Variants in EFNA5 observed in about 807,000 individuals in gnomAD.
The protein encoded by EFNA5 is ephrin A5.
In EFNA5, 5 loss-of-function variants were observed where a neutral mutation model predicts 22.9. The ratio of observed to expected loss-of-function variants is 0.22; its 90% CI spans 0.11 to 0.46. The LOEUF is 0.46. Ranked by LOEUF, EFNA5 falls within the 20% of genes least tolerant of loss-of-function variation. EFNA5 has a pLI of 0.99. For synonymous variants in EFNA5, 113 were observed against 112.2 expected, an observed-to-expected ratio of 1.01 and a Z score of -0.04; for missense variants, 237 against 293.3, an observed-to-expected ratio of 0.81 and a Z score of 1.40.
chr5:107,430,770 C>CTT (rs1748929490), intron 1 of EFNA5, among the ~76,000 whole-genome samples: 2 of 104,822 alleles, frequency 1.9e-5, no homozygotes, highest in African/African-American at 6.8e-5. Flanking sequence ...TTATTTCTTT[C>CTT]TTTCTTTTTT....
chr5:107,444,600 T>C (rs1355209103), intron 1 of EFNA5, among the ~76,000 whole-genome samples: 2 of 152,216 alleles, frequency 1.3e-5, no homozygotes, highest in Non-Finnish European at 2.9e-5. Flanking sequence ...GGCTGAACAT[T>C]TGAAAAGAAT....
At chr5:107,523,093 T>C (rs1747628388) in intron 1 of EFNA5, among the ~76,000 whole-genome samples, 1 of 152,176 alleles carries the variant, frequency 6.6e-6, no homozygotes, top group Non-Finnish European at 1.5e-5. Context: ...TGTTTTTTCG[T>C]TTGTTTGTTT....
intron 1 of EFNA5, among the ~76,000 whole-genome samples, chr5:107,569,264 TC>T (rs950050081): frequency 6.6e-6 from 1 of 151,144 alleles, no homozygotes; most frequent in African/African-American, 2.4e-5. Flanking sequence ...AAGTAGCATC[TC>T]CAAACACTCA....
At chr5:107,454,234 AGTT>A (rs987596204) in intron 1 of EFNA5, among the ~76,000 whole-genome samples, 1 of 152,212 alleles carries the variant, frequency 6.6e-6, no homozygotes, top group Non-Finnish European at 1.5e-5. Context: ...ATTTTTGAGT[AGTT>A]ACTTTAAAAT....
At chr5:107,435,244 C>T (rs1749077473) in intron 1 of EFNA5, among the ~76,000 whole-genome samples, 1 of 150,542 alleles carries the variant, frequency 6.6e-6, no homozygotes, top group African/African-American at 2.5e-5. Context: ...CTGCTTCTTG[C>T]ATCCTTCTGT....
At chr5:107,383,674 A>T (rs999773586) in intron 4 of EFNA5, among the ~76,000 whole-genome samples, 2 of 152,168 alleles carry the variant, frequency 1.3e-5, no homozygotes, top group African/African-American at 4.8e-5. Context: ...TTGCAAGTGT[A>T]CTGTTAAAGG....
At chr5:107,530,172 T>A (rs1205713616) in intron 1 of EFNA5, among the ~76,000 whole-genome samples, 1 of 152,204 alleles carries the variant, frequency 6.6e-6, no homozygotes, top group African/African-American at 2.4e-5. Flanking sequence ...ACACTGTACA[T>A]CCACTGTAAG....
intron 2 of EFNA5, among the ~76,000 whole-genome samples, chr5:107,396,549 G>C (rs147729980): frequency 1.3e-5 from 2 of 152,314 alleles, no homozygotes; most frequent in East Asian, 3.9e-4. Context: ...TGAGTTCTGA[G>C]TGCAAATATG....
intron 1 of EFNA5, among the ~76,000 whole-genome samples, chr5:107,644,488 A>C (rs1027118449): frequency 4.6e-5 from 7 of 152,236 alleles, no homozygotes; most frequent in African/African-American, 1.7e-4. Context: ...GCATCCAAAG[A>C]AATCTCATAT....
At chr5:107,444,457 T>A (rs960816164) in intron 1 of EFNA5, among the ~76,000 whole-genome samples, 5 of 152,214 alleles carry the variant, frequency 3.3e-5, no homozygotes, top group Non-Finnish European at 5.9e-5. Flanking sequence ...AAAGTTTGCA[T>A]AAGCAAGACA....
chr5:107,582,521 T>A (rs533609956), intron 1 of EFNA5, among the ~76,000 whole-genome samples: 1 of 152,244 alleles, frequency 6.6e-6, no homozygotes, highest in African/African-American at 2.4e-5. Flanking sequence ...ACAAGAAATG[T>A]GGTATTGCTC....
intron 1 of EFNA5, among the ~76,000 whole-genome samples, chr5:107,663,600 C>A (rs1751010814): frequency 6.6e-6 from 1 of 152,026 alleles, no homozygotes; most frequent in South Asian, 2.1e-4. Flanking sequence ...TCCTAAGAAT[C>A]CAATCATAAA....
At chr5:107,638,075 G>C (rs551040986) in intron 1 of EFNA5, among the ~76,000 whole-genome samples, 94 of 151,516 alleles carry the variant, frequency 6.2e-4, no homozygotes, top group African/African-American at 2.2e-3. Context: ...GGATGGTCTC[G>C]ATCTCCTGAC....
At chr5:107,411,155 T>C (rs1317212708) in intron 2 of EFNA5, among the ~76,000 whole-genome samples, 2 of 152,174 alleles carry the variant, frequency 1.3e-5, no homozygotes, top group Admixed American at 1.3e-4. Flanking sequence ...AAGTGGTAAA[T>C]TGACCTCTGC....
chr5:107,648,234 T>C (rs1750664642), intron 1 of EFNA5, among the ~76,000 whole-genome samples: 1 of 152,114 alleles, frequency 6.6e-6, no homozygotes, highest in Admixed American at 6.6e-5. Context: ...ACTATGACAT[T>C]ATTTATATAT....
chr5:107,626,186 A>G lies in EFNA5; in HGVS notation c.125+44303T>C, dbSNP rs545679190. 1.2e-4 allele frequency among the ~76,000 whole-genome samples: 19 copies of G among 152,352 alleles called. No homozygotes were observed. In the East Asian group the frequency reaches 3.1e-3, roughly 25 times the overall value. On this transcript the variant is annotated intron_variant, in intron 1 of 4. Transcript: ENST00000333274. The stretch of plus-strand genomic sequence containing the variant: ...TGGTGCTGTGTACAAATGGTTGTTA[A>G]TAACTTTAGTAAATGCAGAACCACC...
intron 1 of EFNA5, among the ~76,000 whole-genome samples, chr5:107,540,838 C>G (rs1687066639): frequency 6.6e-6 from 1 of 152,154 alleles, no homozygotes; most frequent in Non-Finnish European, 1.5e-5. Context: ...AAAATTAAGG[C>G]TGGGTGCAGT....
intron 1 of EFNA5, among the ~76,000 whole-genome samples, chr5:107,537,121 A>T (rs961378482): frequency 4.0e-5 from 6 of 150,630 alleles, no homozygotes; most frequent in Admixed American, 2.0e-4. Context: ...AAAAAAAAAA[A>T]TTGAAGTAGA....
At chr5:107,566,124 G>A (rs1429839991) in intron 1 of EFNA5, among the ~76,000 whole-genome samples, 1 of 152,168 alleles carries the variant, frequency 6.6e-6, no homozygotes, top group Admixed American at 6.5e-5. Context: ...TTATGGGCTG[G>A]TGGTCCCCTC....
Sources: allele counts gnomAD v4.1 joint callset (sites outside exome capture counted in the v4.1 genomes callset), GRCh38; gene constraint gnomAD v4.1.1; transcripts MANE v1.5; gene names NCBI Gene and HGNC (gene_info 2026-07-23, HGNC 2026-07-21).